The following CSTPP1 variants were observed in gnomAD, a reference collection of about 807,000 sequenced individuals.
The protein encoded by CSTPP1 is centriolar satellite-associated tubulin polyglutamylase complex regulator 1.
At chr11:47,031,453 A>G in the CSTPP1 span, among the ~76,000 whole-genome samples, 3 of 152,166 alleles carry the variant, frequency 2.0e-5, no homozygotes, top group Non-Finnish European at 4.4e-5. Flanking sequence ...ATGCTTTGAG[A>G]TGCTGAGGTG....
the CSTPP1 span, among the ~76,000 whole-genome samples, chr11:47,078,205 C>G: frequency 1.3e-5 from 2 of 152,164 alleles, no homozygotes; most frequent in Admixed American, 6.5e-5. Context: ...ACAGAGGACT[C>G]AGTGAGTTTT....
At chr11:46,964,633 A>G in the CSTPP1 span, among the ~76,000 whole-genome samples, 1 of 152,082 alleles carries the variant, frequency 6.6e-6, no homozygotes, top group African/African-American at 2.4e-5. Flanking sequence ...TGTTTTGTTT[A>G]CTTAGAACTG....
chr11:47,116,804 C>T, the CSTPP1 span, among the ~76,000 whole-genome samples: 8 of 151,756 alleles, frequency 5.3e-5, no homozygotes, highest in South Asian at 2.1e-4. Context: ...CTCAGCCTCC[C>T]GAGTAGCTGG....
At chr11:47,161,155 G>A in the CSTPP1 span, 10 of 1,614,222 alleles carry the variant, frequency 6.2e-6, no homozygotes, top group South Asian at 1.1e-4. Context: ...GGGATCTGAT[G>A]CACGACCCAG....
the CSTPP1 span, among the ~76,000 whole-genome samples, chr11:47,129,358 T>C: frequency 6.6e-6 from 1 of 152,184 alleles, no homozygotes; most frequent in Admixed American, 6.5e-5. Context: ...TGTCCAAAAC[T>C]GCCTTCCATT....
chr11:47,016,943 C>T, the CSTPP1 span, among the ~76,000 whole-genome samples: 9 of 143,058 alleles, frequency 6.3e-5, no homozygotes, highest in Admixed American at 2.9e-4. Flanking sequence ...CCCAGGTTCA[C>T]GCCATTCTCC....
At chr11:47,079,677 T>C in the CSTPP1 span, among the ~76,000 whole-genome samples, 1 of 152,232 alleles carries the variant, frequency 6.6e-6, no homozygotes, top group Non-Finnish European at 1.5e-5. Context: ...GTAGAGATTA[T>C]GCTGAATATA....
At chr11:47,031,709 T>C in the CSTPP1 span, among the ~76,000 whole-genome samples, 5 of 151,548 alleles carry the variant, frequency 3.3e-5, no homozygotes, top group Non-Finnish European at 5.9e-5. Flanking sequence ...TTTTTTTTTT[T>C]TTTTTTAAAA....
chr11:47,014,190 T>G, the CSTPP1 span, among the ~76,000 whole-genome samples: 1 of 117,830 alleles, frequency 8.5e-6, no homozygotes, highest in African/African-American at 3.3e-5. Flanking sequence ...GAGACCCCCA[T>G]GAAAAGAAAG....
chr11:47,090,767 C>G, the CSTPP1 span, among the ~76,000 whole-genome samples: 1 of 152,128 alleles, frequency 6.6e-6, no homozygotes, highest in Non-Finnish European at 1.5e-5. Context: ...GGGCCGGGCA[C>G]GGAGGCTCAC....
the CSTPP1 span, chr11:47,137,620 G>A: frequency 1.2e-6 from 2 of 1,614,046 alleles, no homozygotes; most frequent in Non-Finnish European, 1.7e-6. Context: ...GAGACCTAAT[G>A]TGTTCCTCTC....
the CSTPP1 span, among the ~76,000 whole-genome samples, chr11:47,092,522 C>T: frequency 1.3e-5 from 2 of 152,162 alleles, no homozygotes; most frequent in African/African-American, 4.8e-5. Context: ...TAATATGTCA[C>T]CATATTTGTG....
At chr11:47,065,977 TTGTG>T in the CSTPP1 span, among the ~76,000 whole-genome samples, 3 of 146,092 alleles carry the variant, frequency 2.1e-5, no homozygotes, top group Admixed American at 6.8e-5. Flanking sequence ...GGTCTAACAG[TTGTG>T]TGTGTGTGTG....
the CSTPP1 span, among the ~76,000 whole-genome samples, chr11:47,145,822 G>A: frequency 1.3e-5 from 2 of 152,092 alleles, no homozygotes; most frequent in African/African-American, 4.8e-5. Flanking sequence ...AGAGATGGGG[G>A]CAGTGATCTT....
At chr11:47,143,493 G>T in the CSTPP1 span, among the ~76,000 whole-genome samples, 1 of 152,224 alleles carries the variant, frequency 6.6e-6, no homozygotes, top group East Asian at 1.9e-4. Flanking sequence ...CAGGGGCATG[G>T]TGTCTCCACA....
chr11:47,106,321 AAAG>A, the CSTPP1 span, among the ~76,000 whole-genome samples: 1 of 152,224 alleles, frequency 6.6e-6, no homozygotes, highest in African/African-American at 2.4e-5. Context: ...GATTGTTTGT[AAAG>A]AAGGACTTCT....
the CSTPP1 span, among the ~76,000 whole-genome samples, chr11:47,042,292 A>G: frequency 2.6e-5 from 4 of 151,810 alleles, no homozygotes; most frequent in African/African-American, 7.2e-5. Flanking sequence ...GAATATTTTT[A>G]GGAATTCCTT....
chr11:46,960,585 G>A, the CSTPP1 span, among the ~76,000 whole-genome samples: 2 of 152,098 alleles, frequency 1.3e-5, no homozygotes, highest in Non-Finnish European at 2.9e-5. Flanking sequence ...TGTTTGCTGG[G>A]CGCGGTGGCT....
chr11:47,120,670 G>A, the CSTPP1 span, among the ~76,000 whole-genome samples: 62 of 152,330 alleles, frequency 4.1e-4, no homozygotes, highest in African/African-American at 1.4e-3. The surrounding 1 kb of genome is among the most constrained non-coding windows in gnomAD (Gnocchi z 4.2). Flanking sequence ...TTCAAAGCTC[G>A]AATGTGCTTG....
Sources: allele counts gnomAD v4.1 joint callset (sites outside exome capture counted in the v4.1 genomes callset), GRCh38; gene constraint gnomAD v4.1.1; non-coding constraint Gnocchi (gnomAD v3.1); transcripts MANE v1.5; gene names NCBI Gene and HGNC (gene_info 2026-07-23, HGNC 2026-07-21).